Variants in NXPH2 observed in about 807,000 individuals in gnomAD.
NXPH2 encodes the protein neurexophilin 2.
In NXPH2, 5 loss-of-function variants were observed where a neutral mutation model predicts 19.8. The observed-to-expected ratio is 0.25, with a 90% CI of 0.13 to 0.53. The LOEUF is 0.53. Among genes scored for constraint, NXPH2 ranks in the 20% least tolerant of loss-of-function variants. NXPH2 has a pLI of 0.96. For synonymous variants in NXPH2, 154 were observed against 127.4 expected (o/e 1.21, Z -1.41); for missense variants, 289 against 322.8 (o/e 0.90, Z 0.80).
At chr2:138,745,793 G>A (rs1681721302) in intron 1 of NXPH2, among the ~76,000 whole-genome samples, 2 of 151,844 alleles carry the variant, frequency 1.3e-5, no homozygotes, top group South Asian at 2.1e-4. Context: ...TACCTATGGA[G>A]TGAGAAAGAG....
At chr2:138,685,494 C>T (rs1386491579) in intron 1 of NXPH2, among the ~76,000 whole-genome samples, 1 of 152,158 alleles carries the variant, frequency 6.6e-6, no homozygotes, top group Non-Finnish European at 1.5e-5. Flanking sequence ...CCAATAAACT[C>T]AATTTAAGTT....
At chr2:138,765,519 A>G (rs1682077347) in intron 1 of NXPH2, among the ~76,000 whole-genome samples, 1 of 152,194 alleles carries the variant, frequency 6.6e-6, no homozygotes, top group South Asian at 2.1e-4. Flanking sequence ...TAAAGAAAAA[A>G]CTTAACTAAA....
chr2:138,731,570 G>T (rs573436887), intron 1 of NXPH2, among the ~76,000 whole-genome samples: 3 of 152,050 alleles, frequency 2.0e-5, no homozygotes, highest in Non-Finnish European at 4.4e-5. Context: ...TCCCTTGGTA[G>T]GTAGGGCAGA....
chr2:138,687,063 T>C (rs1573953958), intron 1 of NXPH2, among the ~76,000 whole-genome samples: 2 of 152,208 alleles, frequency 1.3e-5, no homozygotes, highest in African/African-American at 4.8e-5. Context: ...TTTGGGTATA[T>C]ACCCAGTAAT....
chr2:138,704,494 C>G (rs1680979483), intron 1 of NXPH2, among the ~76,000 whole-genome samples: 1 of 152,194 alleles, frequency 6.6e-6, no homozygotes, highest in South Asian at 2.1e-4. Context: ...GGCACCTAAA[C>G]AACAGCTGGT....
At chr2:138,734,360 T>C (rs1204233709) in intron 1 of NXPH2, among the ~76,000 whole-genome samples, 1 of 152,200 alleles carries the variant, frequency 6.6e-6, no homozygotes, top group African/African-American at 2.4e-5. Flanking sequence ...TCTGACTATC[T>C]GTCATATTCT....
rs1681242210 is a variant in NXPH2, at chr2:138,719,353, A to G, written c.52-47688T>C. Among the ~76,000 whole-genome samples, 9 of 152,170 alleles carry G rather than the reference A, an allele frequency of 5.9e-5. No homozygotes were observed. In the South Asian group the frequency reaches 1.9e-3, roughly 32 times the overall value. ...AGTAAATGCACTTAAAAATATCCGA[A>G]AGGAGAAGCTACAGGTTGAGGGTAC... is the stretch of plus-strand genomic sequence containing the variant. On this transcript the variant is annotated intron_variant, in intron 1 of 1. Transcript: ENST00000272641.
chr2:138,674,771 C>T (rs1398284920), intron 1 of NXPH2, among the ~76,000 whole-genome samples: 1 of 152,230 alleles, frequency 6.6e-6, no homozygotes, highest in African/African-American at 2.4e-5. Flanking sequence ...AGATAAGAAG[C>T]TCTTGCTAAT....
chr2:138,709,074 A>G (rs2104986680), intron 1 of NXPH2, among the ~76,000 whole-genome samples: 1 of 152,318 alleles, frequency 6.6e-6, no homozygotes, highest in East Asian at 1.9e-4. Flanking sequence ...GTATTCTAGC[A>G]GCAGGGACTG....
chr2:138,686,940 T>A (rs1680666233), intron 1 of NXPH2, among the ~76,000 whole-genome samples: 1 of 152,336 alleles, frequency 6.6e-6, no homozygotes, highest in Admixed American at 6.5e-5. Flanking sequence ...ATTTTCTTAA[T>A]CCAGTCTATC....
At chr2:138,712,511 C>G (rs551286721) in intron 1 of NXPH2, among the ~76,000 whole-genome samples, 105 of 152,304 alleles carry the variant, frequency 6.9e-4, no homozygotes, top group African/African-American at 2.3e-3. Context: ...CATTGCCCCC[C>G]ACCCTGGGAT....
intron 1 of NXPH2, among the ~76,000 whole-genome samples, chr2:138,678,624 G>T (rs1481701166): frequency 6.6e-6 from 1 of 151,918 alleles, no homozygotes; most frequent in African/African-American, 2.4e-5. Flanking sequence ...TTTACATGTT[G>T]TTAATGTGTC....
intron 1 of NXPH2, among the ~76,000 whole-genome samples, chr2:138,682,905 C>G (rs1372731867): frequency 6.6e-6 from 1 of 152,162 alleles, no homozygotes. Context: ...TCTAGACACA[C>G]AGAAATATCA....
intron 1 of NXPH2, among the ~76,000 whole-genome samples, chr2:138,684,485 G>C (rs962688927): frequency 1.3e-5 from 2 of 152,008 alleles, no homozygotes; most frequent in Admixed American, 6.6e-5. Context: ...TTTTCTATCT[G>C]TAATATAAAT....
At chr2:138,673,633 A>C (rs1680443815) in intron 1 of NXPH2, among the ~76,000 whole-genome samples, 1 of 151,798 alleles carries the variant, frequency 6.6e-6, no homozygotes, top group African/African-American at 2.4e-5. Context: ...TATTTAAAAA[A>C]ATGGGATTAA....
intron 1 of NXPH2, among the ~76,000 whole-genome samples, chr2:138,674,280 A>T (rs2104964691): frequency 6.6e-6 from 1 of 152,068 alleles, no homozygotes; most frequent in Non-Finnish European, 1.5e-5. Context: ...CAGCCTCCCG[A>T]GTAGCTGTGA....
intron 1 of NXPH2, among the ~76,000 whole-genome samples, chr2:138,672,914 T>C (rs549799911): frequency 6.6e-6 from 1 of 152,356 alleles, no homozygotes; most frequent in South Asian, 2.1e-4. Context: ...CACGAGGTTA[T>C]CTATTGTATG....
chr2:138,673,867 C>A (rs924343727), intron 1 of NXPH2, among the ~76,000 whole-genome samples: 1 of 152,040 alleles, frequency 6.6e-6, no homozygotes. Context: ...GCTTCCCAAC[C>A]TTTGGTACTA....
intron 1 of NXPH2, among the ~76,000 whole-genome samples, chr2:138,707,866 C>T (rs955454387): frequency 1.4e-4 from 21 of 152,138 alleles, no homozygotes; most frequent in South Asian, 4.1e-4. Flanking sequence ...ATAGGTCCCT[C>T]TCTCTCTAAG....
Sources: allele counts gnomAD v4.1 joint callset (sites outside exome capture counted in the v4.1 genomes callset), GRCh38; gene constraint gnomAD v4.1.1; transcripts MANE v1.5; gene names NCBI Gene and HGNC (gene_info 2026-07-23, HGNC 2026-07-21).